The following DMD variants were observed in gnomAD, a reference collection of about 807,000 sequenced individuals.
DMD encodes mutant dystrophin.
DMD carries 63 observed loss-of-function variants against 330.1 expected under a neutral mutation model. That is an observed-to-expected ratio of 0.19 (90% confidence interval 0.16 to 0.24). The LOEUF (loss-of-function observed/expected upper bound fraction) is 0.24, where lower values mean the gene tolerates loss of function less well. Among genes scored for constraint, DMD ranks in the 10% least tolerant of loss-of-function variants. DMD has a pLI of 1.00. For missense variants in DMD, 3,344 were observed against 2,684.1 expected (o/e 1.25, Z -5.43); for synonymous variants, 1,223 against 959.8 (o/e 1.27, Z -5.07).
chrX:32,252,689 T>TATATATAAATATATATAAATAC (rs2097271412), intron 43 of DMD, among the ~76,000 whole-genome samples: 2 of 38,786 alleles, frequency 5.2e-5, no homozygotes, highest in Non-Finnish European at 8.5e-5. Context: ...TATATAAATA[T>TATATATAAATATATATAAATAC]ATATATAAAT....
At chrX:31,847,442 T>A (rs1220912234) in intron 48 of DMD, among the ~76,000 whole-genome samples, 1 of 111,753 alleles carries the variant, frequency 8.9e-6, no homozygotes, top group Non-Finnish European at 1.9e-5. Flanking sequence ...GCAGGTTGAA[T>A]TTATTAGTTC....
intron 55 of DMD, among the ~76,000 whole-genome samples, chrX:31,597,396 G>C (rs1252103389): frequency 9.0e-6 from 1 of 111,505 alleles, no homozygotes; most frequent in East Asian, 2.8e-4. Flanking sequence ...CCAACTGCAT[G>C]CATGCTCTGC....
chrX:33,095,536 C>A (rs745638402), intron 1 of DMD, among the ~76,000 whole-genome samples: 1 of 111,968 alleles, frequency 8.9e-6, no homozygotes, highest in Non-Finnish European at 1.9e-5. Flanking sequence ...AATTTACATT[C>A]GATTTATATT....
chrX:32,949,965 CAAA>C (rs201823049), intron 2 of DMD, among the ~76,000 whole-genome samples: 27 of 74,909 alleles, frequency 3.6e-4, no homozygotes, highest in African/African-American at 6.1e-4. Flanking sequence ...GGTGCAGAGG[CAAA>C]AAAAAAAAAA....
At chrX:32,671,949 C>A (rs933261989) in intron 9 of DMD, among the ~76,000 whole-genome samples, 7 of 110,979 alleles carry the variant, frequency 6.3e-5, no homozygotes, top group African/African-American at 2.3e-4. Flanking sequence ...GAAAAAACAC[C>A]CCTCAAGGTC....
At chrX:31,531,812 C>G (rs1447778958) in intron 55 of DMD, among the ~76,000 whole-genome samples, 17 of 103,407 alleles carry the variant, frequency 1.6e-4, no homozygotes, top group Middle Eastern at 4.9e-3. Flanking sequence ...AGCTGAAAAC[C>G]AAGGCTCGAG....
intron 11 of DMD, among the ~76,000 whole-genome samples, chrX:32,615,221 G>A (rs1372992861): frequency 2.7e-5 from 3 of 111,325 alleles, no homozygotes; most frequent in Admixed American, 9.6e-5. Flanking sequence ...AAGTTTGGAC[G>A]TCATTTGATA....
intron 34 of DMD, among the ~76,000 whole-genome samples, chrX:32,371,996 A>G (rs187435436): frequency 2.7e-5 from 3 of 111,871 alleles, no homozygotes; most frequent in Non-Finnish European, 1.9e-5. Flanking sequence ...TAAAATTACT[A>G]GAAAATAAGA....
At chrX:31,171,140 C>CT (rs1194027269) in intron 73 of DMD, among the ~76,000 whole-genome samples, 1 of 112,183 alleles carries the variant, frequency 8.9e-6, no homozygotes, top group East Asian at 2.8e-4. Context: ...ACCATTAATA[C>CT]TTTTTCCCAT....
intron 29 of DMD, among the ~76,000 whole-genome samples, chrX:32,434,906 A>T (rs985502223): frequency 1.8e-5 from 2 of 111,455 alleles, no homozygotes; most frequent in African/African-American, 6.5e-5. Context: ...GAAAGCCGTA[A>T]AAACTAAATA....
chrX:31,971,542 GAGA>G lies in DMD; in HGVS notation c.6439-3031_6439-3029del, dbSNP rs749190381. ...ATTACACAGTCTACTGCATTTGTATGAGAAGGTTTTGCAACCAGGAGAAATATT... is the reference window on the plus strand; with the variant it reads ...ATTACACAGTCTACTGCATTTGTATGAGGTTTTGCAACCAGGAGAAATATT... On this transcript the variant is annotated intron_variant, in intron 44 of 78. Coordinates refer to ENST00000357033, the MANE Select transcript of DMD (RefSeq NM_004006.3). Among the ~76,000 whole-genome samples the G allele has an allele frequency of 2.8e-3, 316 of 111,257 alleles. 3 individuals carry two copies. The Middle Eastern group carries it at 0.032, about 11-fold the overall frequency.
intron 37 of DMD, among the ~76,000 whole-genome samples, chrX:32,356,223 T>C (rs952674539): frequency 9.1e-6 from 1 of 109,497 alleles, no homozygotes; most frequent in Admixed American, 9.8e-5. Context: ...TAGAACCATA[T>C]TTTAAGATAG....
At chrX:31,959,044 T>C (rs1388693034) in intron 45 of DMD, among the ~76,000 whole-genome samples, 3 of 111,514 alleles carry the variant, frequency 2.7e-5, no homozygotes, top group African/African-American at 9.8e-5. Flanking sequence ...ATTCCCCTCA[T>C]CATCCCATCT....
chrX:32,440,992 T>G (rs1031220554), intron 28 of DMD, among the ~76,000 whole-genome samples, 188 bp downstream of exon 28: 1 of 111,049 alleles, frequency 9.0e-6, no homozygotes, highest in Non-Finnish European at 1.9e-5. Flanking sequence ...TTAAACCCTT[T>G]GCAAAATCTT....
At chrX:31,281,855 C>A (rs1379431783) in intron 62 of DMD, among the ~76,000 whole-genome samples, 1 of 112,025 alleles carries the variant, frequency 8.9e-6, no homozygotes, top group East Asian at 2.8e-4. Context: ...AGATTTGTGT[C>A]ATTTTAAAAG....
intron 41 of DMD, among the ~76,000 whole-genome samples, chrX:32,335,006 T>C (rs1263964927): frequency 1.8e-5 from 2 of 111,123 alleles, no homozygotes; most frequent in Non-Finnish European, 3.8e-5. Context: ...TCTCTTAACC[T>C]CATTTATGCT....
In DMD at chrX:31,669,887, A is replaced by T. The variant is rs193082070; in HGVS notation, c.7872+9488T>A. 4.6e-3 allele frequency among the ~76,000 whole-genome samples: 498 copies of T among 108,214 alleles called. 2 individuals are homozygous for T. The highest frequency in any genetic ancestry group is 0.016 in the African/African-American group (466 of 29,857). The allele number at this position is 108,214 out of a possible 115,157, so 94.0% of individuals were successfully genotyped here. ...TGTGATTTTGATAATGATTCCATAG[A>T]GTCTGTAGATCAATTGGGGGGATAT... On this transcript the variant is annotated intron_variant, in intron 53 of 78. Transcript: ENST00000357033.
intron 44 of DMD, among the ~76,000 whole-genome samples, chrX:32,090,141 A>T (rs1287460462): frequency 1.8e-5 from 2 of 112,076 alleles, no homozygotes; most frequent in East Asian, 5.6e-4. Flanking sequence ...AGTAACATAA[A>T]GTTAATAAAC....
chrX:32,863,022 G>T (rs2082188825), intron 2 of DMD, among the ~76,000 whole-genome samples: 1 of 110,744 alleles, frequency 9.0e-6, no homozygotes, highest in East Asian at 2.8e-4. Context: ...ACAGGCATGA[G>T]CCACTGCACC....
Sources: gnomAD v4.1 joint callset for allele counts (sites outside exome capture counted in the v4.1 genomes callset) on GRCh38, gnomAD v4.1.1 for gene constraint, MANE v1.5 for transcripts, NCBI Gene and HGNC (gene_info 2026-07-23, HGNC 2026-07-21) for gene names.